Variants in ZFAT observed in about 807,000 individuals in gnomAD.
ZFAT encodes the protein zinc finger and AT-hook domain containing, also known as zinc finger protein ZFAT.
ZFAT carries 64 observed loss-of-function variants against 117.7 expected under a neutral mutation model. That is an observed-to-expected ratio of 0.54 (90% CI 0.44 to 0.67). The LOEUF (loss-of-function observed/expected upper bound fraction) is 0.67, where lower values mean the gene tolerates loss of function less well. Ranked by LOEUF, ZFAT falls within the 30% of genes least tolerant of loss-of-function variation. ZFAT has a pLI of 0.00. For missense variants in ZFAT, 1,433 were observed against 1,584.5 expected (o/e 0.90, Z 1.62); for synonymous variants, 679 against 615.0 (o/e 1.10, Z -1.54).
intron 1 of ZFAT, among the ~76,000 whole-genome samples, chr8:134,706,354 T>C (rs1834151995): frequency 6.6e-6 from 1 of 152,204 alleles, no homozygotes. Context: ...AAGAATTATA[T>C]GATGTTCTAT....
intron 15 of ZFAT, among the ~76,000 whole-genome samples, chr8:134,493,912 T>A (rs1341527241): frequency 6.6e-6 from 1 of 152,220 alleles, no homozygotes; most frequent in Non-Finnish European, 1.5e-5. Flanking sequence ...ATTTCAAAGC[T>A]GTGCTAAAAC....
chr8:134,732,276 T>G, the ZFAT span, among the ~76,000 whole-genome samples: 1 of 151,974 alleles, frequency 6.6e-6, no homozygotes, highest in South Asian at 2.1e-4. Flanking sequence ...GCTCTGCAGG[T>G]TTTTTACTGT....
chr8:134,601,424 C>G (rs1827446950), intron 6 of ZFAT, 53 bp downstream of exon 6: 2 of 1,542,474 alleles, frequency 1.3e-6, no homozygotes, highest in South Asian at 2.5e-5. Context: ...TGCGAGGTGA[C>G]CACAGCATGA....
At chr8:134,498,281 CCTG>C (rs1332665551) in intron 15 of ZFAT, among the ~76,000 whole-genome samples, 2 of 149,504 alleles carry the variant, frequency 1.3e-5, no homozygotes, top group African/African-American at 5.0e-5. Context: ...CCGTGATGCC[CCTG>C]CTGCTGGTTA....
chr8:134,712,786 GCGCGC>G lies in ZFAT; in HGVS notation c.19+54_19+58del, dbSNP rs1256613379. The G allele has an allele frequency of 1.1e-5, 15 of 1,397,424 alleles. No homozygotes were observed. In the East Asian group the frequency reaches 1.2e-4, roughly 11 times the overall value. 86.6% of individuals were successfully genotyped at this position (1,397,424 alleles called of 1,614,324 possible). ...GACTCGACGCTCGAAACGGCTTTCCGCGCGCCGCGCCGCGCCCCACCCCCACCCCG... is the reference window on the plus strand; with the variant it reads ...GACTCGACGCTCGAAACGGCTTTCCGCGCGCCGCGCCCCACCCCCACCCCG... On this transcript the variant is annotated intron_variant, in intron 1 of 15. Transcript: ENST00000377838.
chr8:134,507,605 G>A (rs574814039), intron 15 of ZFAT, among the ~76,000 whole-genome samples: 9 of 152,314 alleles, frequency 5.9e-5, no homozygotes, highest in South Asian at 2.1e-4. Flanking sequence ...GACACTGGTC[G>A]TTCTGGATGC....
the ZFAT span, among the ~76,000 whole-genome samples, chr8:134,776,280 C>G: frequency 5.3e-5 from 8 of 152,142 alleles, no homozygotes; most frequent in Admixed American, 1.3e-4. Flanking sequence ...TTTACTTGCT[C>G]ATTTTCAAAG....
chr8:134,495,958 C>G (rs1818406149), intron 15 of ZFAT, among the ~76,000 whole-genome samples: 1 of 152,136 alleles, frequency 6.6e-6, no homozygotes, highest in Middle Eastern at 3.4e-3. Context: ...GGTGTCTTAT[C>G]CACCCTGGAC....
chr8:134,759,018 G>C, the ZFAT span, among the ~76,000 whole-genome samples: 1 of 152,178 alleles, frequency 6.6e-6, no homozygotes, highest in Admixed American at 6.5e-5. Flanking sequence ...GTTAGCAAGG[G>C]AGAAGGGACT....
chr8:134,790,521 CCCA>C, the ZFAT span, among the ~76,000 whole-genome samples: 45 of 152,212 alleles, frequency 3.0e-4, no homozygotes, highest in Non-Finnish European at 5.1e-4. Flanking sequence ...CTACCTGTCC[CCCA>C]CGCCTCAAAA....
intron 12 of ZFAT, among the ~76,000 whole-genome samples, chr8:134,522,490 T>C (rs1347647311): frequency 6.6e-6 from 1 of 152,234 alleles, no homozygotes; most frequent in Admixed American, 6.5e-5. Context: ...TATTCTTCAA[T>C]TTCTGGAGAA....
chr8:134,506,946 T>G (rs995113027), intron 15 of ZFAT, among the ~76,000 whole-genome samples: 1 of 152,246 alleles, frequency 6.6e-6, no homozygotes, highest in Non-Finnish European at 1.5e-5. Context: ...CCGGCAATAC[T>G]GATTTGTAGG....
At chr8:134,710,018 A>G (rs1563779046) in intron 1 of ZFAT, among the ~76,000 whole-genome samples, 1 of 152,252 alleles carries the variant, frequency 6.6e-6, no homozygotes, top group South Asian at 2.1e-4. Flanking sequence ...ATGAGTTGAC[A>G]GTAACACATT....
chr8:134,538,897 C>A (rs1822042977), intron 11 of ZFAT, among the ~76,000 whole-genome samples: 1 of 151,196 alleles, frequency 6.6e-6, no homozygotes. Context: ...GGCTGAAATT[C>A]TTTAAGTCCT....
chr8:134,598,995 T>G (rs1287643984), intron 7 of ZFAT: 1 of 152,240 alleles, frequency 6.6e-6, no homozygotes, highest in South Asian at 2.1e-4. Context: ...CCCAAGAACT[T>G]GTTCTCATAT....
intron 15 of ZFAT, among the ~76,000 whole-genome samples, chr8:134,493,824 T>C (rs1435849676): frequency 6.6e-6 from 1 of 152,172 alleles, no homozygotes; most frequent in African/African-American, 2.4e-5. Context: ...CATCATGCCA[T>C]GGCCATATGG....
chr8:134,479,395 GGCC>G (rs1243378143), intron 15 of ZFAT, among the ~76,000 whole-genome samples: 1 of 152,206 alleles, frequency 6.6e-6, no homozygotes, highest in Non-Finnish European at 1.5e-5. Flanking sequence ...TGGATTCTAT[GGCC>G]AGGCCTTTCT....
intron 8 of ZFAT, among the ~76,000 whole-genome samples, chr8:134,589,709 A>G (rs989835106): frequency 6.6e-6 from 1 of 152,226 alleles, no homozygotes; most frequent in African/African-American, 2.4e-5. Context: ...GCCTCCCCAG[A>G]GGCAGGGCTC....
At chr8:134,612,286 G>A (rs1828395452) in intron 3 of ZFAT, among the ~76,000 whole-genome samples, 3 of 152,238 alleles carry the variant, frequency 2.0e-5, no homozygotes, top group South Asian at 2.1e-4. Flanking sequence ...GCAAGGTCGG[G>A]TCATAGGGAG....
Sources: gnomAD v4.1 joint callset for allele counts (sites outside exome capture counted in the v4.1 genomes callset) on GRCh38, gnomAD v4.1.1 for gene constraint, MANE v1.5 for transcripts, NCBI Gene and HGNC (gene_info 2026-07-23, HGNC 2026-07-21) for gene names.